Variants in ROBO1 observed in about 807,000 individuals in gnomAD.
ROBO1 encodes roundabout homolog 1.
ROBO1 carries 149 observed loss-of-function variants against 195.9 expected under a neutral mutation model. The observed-to-expected ratio is 0.76, with a 90% CI of 0.67 to 0.87. ROBO1 has a LOEUF of 0.87. Among genes scored for constraint, ROBO1 ranks in the 40% least tolerant of loss-of-function variants. ROBO1 has a pLI of 0.00. For synonymous variants in ROBO1, 816 were observed against 733.2 expected, an observed-to-expected ratio of 1.11 and a Z score of -1.82; for missense variants, 1,933 against 2,068.3, an observed-to-expected ratio of 0.93 and a Z score of 1.27.
intron 2 of ROBO1, among the ~76,000 whole-genome samples, chr3:79,550,151 G>GAAA: frequency 2.5e-5 from 2 of 81,306 alleles, no homozygotes; most frequent in Admixed American, 1.2e-4. Context: ...CAAAAAGAAA[G>GAAA]GAAGAAAGAA....
intron 1 of ROBO1, among the ~76,000 whole-genome samples, chr3:79,733,520 T>TGTAA (rs1299324086): frequency 6.6e-6 from 1 of 152,150 alleles, no homozygotes; most frequent in Non-Finnish European, 1.5e-5. Flanking sequence ...CACTCACCCA[T>TGTAA]GTAAGCCATC....
At chr3:78,631,652 T>C (rs965539680) in intron 24 of ROBO1, among the ~76,000 whole-genome samples, 4 of 152,202 alleles carry the variant, frequency 2.6e-5, no homozygotes, top group African/African-American at 9.6e-5. Context: ...TATTATTTAA[T>C]TGCTGGAACT....
At chr3:79,696,486 A>G (rs1207718375) in intron 1 of ROBO1, among the ~76,000 whole-genome samples, 3 of 150,182 alleles carry the variant, frequency 2.0e-5, no homozygotes, top group Non-Finnish European at 4.5e-5. Flanking sequence ...ACACAGGTAT[A>G]TATACAGATA....
At chr3:79,440,486 C>T (rs1346646937) in intron 2 of ROBO1, among the ~76,000 whole-genome samples, 59 of 152,204 alleles carry the variant, frequency 3.9e-4, no homozygotes, top group Non-Finnish European at 1.9e-4. Context: ...ATGGCAAATG[C>T]TAGACAACTC....
chr3:79,185,189 T>C (rs1327927700), intron 2 of ROBO1, among the ~76,000 whole-genome samples: 1 of 152,188 alleles, frequency 6.6e-6, no homozygotes, highest in African/African-American at 2.4e-5. Context: ...GATAACTGTC[T>C]GAGAAGGGAA....
At position 78,714,531 on chromosome 3, in the gene ROBO1, A is replaced by G. The variant is rs1224611151; in HGVS notation, c.918-7T>C. ...ATCATCTCGGATTTCATATCTAATG[A>G]CATAACAAAAGAAAGCACAGTTAAG... On this transcript the variant is annotated splice_polypyrimidine_tract_variant and splice_region_variant and intron_variant, in intron 7 of 30. Coordinates refer to ENST00000464233, the MANE Select transcript of ROBO1 (RefSeq NM_002941.4). 1.9e-6 allele frequency: 3 copies of G among 1,607,912 alleles called. No homozygotes were observed. The highest frequency in any genetic ancestry group is 2.2e-5 in the East Asian group (1 of 44,756).
At chr3:79,176,677 C>G (rs917006928) in intron 2 of ROBO1, among the ~76,000 whole-genome samples, 1 of 152,108 alleles carries the variant, frequency 6.6e-6, no homozygotes, top group Non-Finnish European at 1.5e-5. Context: ...AGGCTGGTCT[C>G]AAACTCCTGA....
chr3:78,879,721 C>A (rs1023934774), intron 4 of ROBO1, among the ~76,000 whole-genome samples: 5 of 152,024 alleles, frequency 3.3e-5, no homozygotes, highest in African/African-American at 1.2e-4. Context: ...TTAACTAACC[C>A]CACAGAATTT....
At chr3:79,018,794 G>A (rs1251816170) in intron 3 of ROBO1, 3 of 1,062,758 alleles carry the variant, frequency 2.8e-6, no homozygotes, top group Non-Finnish European at 3.4e-6. Context: ...ACGGTCTTGC[G>A]GAGCCTCCCG....
chr3:78,786,276 C>T (rs1341939588), intron 4 of ROBO1, among the ~76,000 whole-genome samples: 1 of 151,972 alleles, frequency 6.6e-6, no homozygotes, highest in Non-Finnish European at 1.5e-5. Flanking sequence ...TATTATATAA[C>T]CAAGTTTAAT....
chr3:79,507,568 C>T (rs1940469487), intron 2 of ROBO1, among the ~76,000 whole-genome samples: 1 of 152,062 alleles, frequency 6.6e-6, no homozygotes, highest in African/African-American at 2.4e-5. Context: ...TGCACTTTGC[C>T]ATTTTATTGT....
chr3:79,359,524 G>T (rs960924237), intron 2 of ROBO1, among the ~76,000 whole-genome samples: 1 of 151,966 alleles, frequency 6.6e-6, no homozygotes, highest in Admixed American at 6.6e-5. Context: ...CAACTGAATT[G>T]GTGGTTGATG....
At chr3:79,675,689 G>T (rs1946763458) in intron 1 of ROBO1, among the ~76,000 whole-genome samples, 1 of 151,868 alleles carries the variant, frequency 6.6e-6, no homozygotes, top group South Asian at 2.1e-4. Context: ...AGAAAATGGG[G>T]GAAAAACAGG....
At chr3:79,618,625 G>A (rs1944900212) in intron 1 of ROBO1, among the ~76,000 whole-genome samples, 6 of 152,042 alleles carry the variant, frequency 3.9e-5, no homozygotes, top group Admixed American at 3.9e-4. Flanking sequence ...TCCCTTTGCT[G>A]ACTCCTTTTT....
At chr3:79,248,512 C>T (rs542581573) in intron 2 of ROBO1, among the ~76,000 whole-genome samples, 27 of 151,474 alleles carry the variant, frequency 1.8e-4, no homozygotes, top group African/African-American at 5.3e-4. Flanking sequence ...AGAATAAATA[C>T]GTGGTGTGGC....
intron 2 of ROBO1, among the ~76,000 whole-genome samples, chr3:79,140,557 C>A (rs2080503655): frequency 6.6e-6 from 1 of 151,840 alleles, no homozygotes; most frequent in South Asian, 2.1e-4. Context: ...ATCCTATATA[C>A]CTAATAAGAA....
chr3:78,915,576 T>C (rs1048054261), intron 4 of ROBO1, among the ~76,000 whole-genome samples: 5 of 152,210 alleles, frequency 3.3e-5, no homozygotes, highest in Non-Finnish European at 5.9e-5. Flanking sequence ...TTTTTATAAA[T>C]ATCTTGTATA....
chr3:79,001,764 C>T (rs1407923977), intron 3 of ROBO1, among the ~76,000 whole-genome samples: 1 of 152,058 alleles, frequency 6.6e-6, no homozygotes, highest in Non-Finnish European at 1.5e-5. Context: ...AGCAATTCAA[C>T]ATTTAAATGT....
At chr3:79,305,742 G>A (rs185867583) in intron 2 of ROBO1, among the ~76,000 whole-genome samples, 17 of 152,036 alleles carry the variant, frequency 1.1e-4, no homozygotes, top group South Asian at 4.2e-4. Context: ...CCAAAATTTC[G>A]GTAGTAAGAG....
Sources: gnomAD v4.1 joint callset for allele counts (sites outside exome capture counted in the v4.1 genomes callset) on GRCh38, gnomAD v4.1.1 for gene constraint, MANE v1.5 for transcripts, NCBI Gene and HGNC (gene_info 2026-07-23, HGNC 2026-07-21) for gene names.